The following SORCS1 variants were observed in gnomAD, a reference collection of about 807,000 sequenced individuals.
SORCS1 encodes the protein sortilin related VPS10 domain containing receptor 1.
A neutral mutation model predicts 146.1 loss-of-function variants in SORCS1; 60 were observed. The observed-to-expected ratio is 0.41, with a 90% confidence interval of 0.33 to 0.51. SORCS1 has a LOEUF of 0.51. Among genes scored for constraint, SORCS1 ranks in the 20% least tolerant of loss-of-function variants. SORCS1 has a pLI of 0.21. For synonymous variants in SORCS1, 637 were observed against 584.0 expected, an observed-to-expected ratio of 1.09 and a Z score of -1.31; for missense variants, 1,352 against 1,487.6, an observed-to-expected ratio of 0.91 and a Z score of 1.50.
rs753056995 is a variant in SORCS1, at chr10:106,767,546, T to C, written c.886-5885A>G. 2.6e-4 allele frequency among the ~76,000 whole-genome samples: 40 copies of C among 152,318 alleles called. 1 individual carries two copies. Among genetic ancestry groups the C allele is most frequent in the Middle Eastern group, 3.4e-3 (1 of 292 alleles). On this transcript the variant is annotated intron_variant, in intron 4 of 25. Transcript: ENST00000263054. ...CTCTGTTGTTCAGGTTGGAGTACAG[T>C]GGCGCCATCTCGGCTCACTGCAACC...
At chr10:106,695,421 C>G (rs1351613683) in intron 9 of SORCS1, among the ~76,000 whole-genome samples, 1 of 152,186 alleles carries the variant, frequency 6.6e-6, no homozygotes, top group Admixed American at 6.5e-5. Context: ...CTTCCACAAC[C>G]AAATACAAGC....
In SORCS1 at chr10:107,133,688, G is replaced by T. The variant is rs115844568; in HGVS notation, c.558+30281C>A. Reference sequence around the variant, plus strand: ...TGCATTTCTTACTTTCTTCCCTTGTGTCTGTTTCACCAGCCTTGGTGCATG... The same window carrying T: ...TGCATTTCTTACTTTCTTCCCTTGTTTCTGTTTCACCAGCCTTGGTGCATG... On this transcript the variant is annotated intron_variant, in intron 1 of 25. Coordinates refer to ENST00000263054, the MANE Select transcript of SORCS1 (RefSeq NM_052918.5). Among the ~76,000 whole-genome samples the T allele has an allele frequency of 7.4e-3, 1,128 of 152,272 alleles. 13 individuals are homozygous for T. The highest frequency in any genetic ancestry group is 0.026 in the African/African-American group (1,069 of 41,556).
rs538404134 is a variant in SORCS1 at position 106,657,943 on chromosome 10, G to A, written c.2304-5390C>T. ...GCATAGATTTCAGCACATTTAGAAC[G>A]TTAATAAATATTAAAATATAAAAAG... On this transcript the variant is annotated intron_variant, in intron 17 of 25. Coordinates refer to ENST00000263054, the MANE Select transcript of SORCS1 (RefSeq NM_052918.5). 1.7e-4 allele frequency among the ~76,000 whole-genome samples: 26 copies of A among 151,768 alleles called. 1 individual carries two copies. The highest frequency in any genetic ancestry group is 2.9e-4 in the Non-Finnish European group (20 of 67,964).
chr10:106,791,541 A>G (rs1225827602), intron 3 of SORCS1, among the ~76,000 whole-genome samples: 1 of 152,104 alleles, frequency 6.6e-6, no homozygotes, highest in Non-Finnish European at 1.5e-5. Context: ...CTCTATTAAA[A>G]ATACAAAATT....
intron 1 of SORCS1, among the ~76,000 whole-genome samples, chr10:107,066,208 A>T (rs1026544260): frequency 1.3e-5 from 2 of 152,146 alleles, no homozygotes; most frequent in African/African-American, 4.8e-5. Context: ...CTCTGAGCCC[A>T]TGCTTGGGGT....
chr10:107,010,712 G>T lies in SORCS1; in HGVS notation c.559-54132C>A, dbSNP rs530231883. 3.9e-5 allele frequency among the ~76,000 whole-genome samples: 6 copies of T among 152,304 alleles called. No individual in the cohort carries two copies. The South Asian group carries it at 1.0e-3, about 26-fold the overall frequency. ...CTGTGGGTCATTTTGAGAGGCCTCA[G>T]ATCTCTGAATAAGTTGGCGGTCCCC... On this transcript the variant is annotated intron_variant, in intron 1 of 25. Transcript: ENST00000263054.
intron 2 of SORCS1, among the ~76,000 whole-genome samples, chr10:106,952,313 G>C (rs1954722956): frequency 1.3e-5 from 2 of 152,032 alleles, no homozygotes; most frequent in South Asian, 4.1e-4. Context: ...GTATGAGCTG[G>C]TGCAGGAGAA....
chr10:106,943,272 C>A (rs1258452836), intron 2 of SORCS1, among the ~76,000 whole-genome samples: 1 of 152,202 alleles, frequency 6.6e-6, no homozygotes, highest in African/African-American at 2.4e-5. Context: ...AGCAGCAACT[C>A]CAACTCCTCC....
At chr10:107,150,136 C>A (rs1037815821) in intron 1 of SORCS1, among the ~76,000 whole-genome samples, 2 of 152,178 alleles carry the variant, frequency 1.3e-5, no homozygotes, top group Non-Finnish European at 2.9e-5. Flanking sequence ...AGAATATGCA[C>A]CCTTAAGGGT....
chr10:106,928,348 T>A (rs1953193459), intron 2 of SORCS1, among the ~76,000 whole-genome samples: 1 of 152,134 alleles, frequency 6.6e-6, no homozygotes, highest in Non-Finnish European at 1.5e-5. Context: ...CTGGCCCGGG[T>A]GCTAAGCCCC....
At chr10:107,109,086 C>T (rs1965502622) in intron 1 of SORCS1, among the ~76,000 whole-genome samples, 1 of 152,198 alleles carries the variant, frequency 6.6e-6, no homozygotes, top group Admixed American at 6.5e-5. Flanking sequence ...TGAGGCTGCT[C>T]TCACAGTGTG....
chr10:106,841,477 T>TACACACAC (rs71025563), intron 2 of SORCS1, among the ~76,000 whole-genome samples: 9 of 150,356 alleles, frequency 6.0e-5, no homozygotes, highest in East Asian at 2.0e-4. Context: ...TTCAATAAAA[T>TACACACAC]ACACACACAC....
chr10:107,039,332 GA>G (rs58915918), intron 1 of SORCS1, among the ~76,000 whole-genome samples: 110 of 109,924 alleles, frequency 1.0e-3, no homozygotes, highest in African/African-American at 1.6e-3. Flanking sequence ...CTCAAATAAA[GA>G]AAAAAAAAAA....
intron 2 of SORCS1, among the ~76,000 whole-genome samples, chr10:106,844,388 C>T (rs1416807759): frequency 6.6e-6 from 1 of 151,808 alleles, no homozygotes; most frequent in South Asian, 2.1e-4. Context: ...ATTTCTAAGA[C>T]CAATATTGAG....
At chr10:107,079,123 G>A (rs552477749) in intron 1 of SORCS1, among the ~76,000 whole-genome samples, 3 of 152,084 alleles carry the variant, frequency 2.0e-5, no homozygotes, top group Non-Finnish European at 4.4e-5. Context: ...CTACTTGGGA[G>A]GCTGAGTCAG....
chr10:107,180,297 T>C, the SORCS1 span, among the ~76,000 whole-genome samples: 1 of 152,194 alleles, frequency 6.6e-6, no homozygotes, highest in Non-Finnish European at 1.5e-5. Context: ...AGTCCCAAGA[T>C]TTTCTCCTAT....
chr10:106,737,430 A>C (rs1401563546), intron 5 of SORCS1, among the ~76,000 whole-genome samples: 2 of 95,214 alleles, frequency 2.1e-5, no homozygotes, highest in Non-Finnish European at 4.8e-5. Context: ...TTTCTTAAAT[A>C]AATATTTTTT....
intron 3 of SORCS1, among the ~76,000 whole-genome samples, chr10:106,816,432 T>C (rs979046355): frequency 1.3e-5 from 2 of 152,206 alleles, no homozygotes; most frequent in Non-Finnish European, 1.5e-5. Context: ...CAGTGCCTGA[T>C]GTCCCACATG....
chr10:106,875,519 GTTCTT>G (rs1950561602), intron 2 of SORCS1, among the ~76,000 whole-genome samples: 1 of 152,152 alleles, frequency 6.6e-6, no homozygotes, highest in Non-Finnish European at 1.5e-5. Flanking sequence ...TTTACTCTCA[GTTCTT>G]TAAGGAATCT....
Sources: gnomAD v4.1 joint callset for allele counts (sites outside exome capture counted in the v4.1 genomes callset) on GRCh38, gnomAD v4.1.1 for gene constraint, MANE v1.5 for transcripts, NCBI Gene and HGNC (gene_info 2026-07-23, HGNC 2026-07-21) for gene names.